Variants in FBLN2 observed in about 807,000 individuals in gnomAD.
FBLN2 encodes fibulin 2, also known as fibulin-2.
A neutral mutation model predicts 123.7 loss-of-function variants in FBLN2; 81 were observed. The observed-to-expected ratio is 0.65, with a 90% CI of 0.55 to 0.79. The LOEUF is 0.79. FBLN2 is among the 30% of genes least tolerant of loss of function. The pLI, the probability that FBLN2 is intolerant of heterozygous loss-of-function variation, is 0.00. For missense variants in FBLN2, 1,603 were observed against 1,681.3 expected (o/e 0.95, Z 0.81); for synonymous variants, 699 against 701.4 (o/e 1.00, Z 0.05).
At chr3:13,602,508 G>A (rs192001532) in intron 2 of FBLN2, among the ~76,000 whole-genome samples, 124 of 152,310 alleles carry the variant, frequency 8.1e-4, no homozygotes, top group Non-Finnish European at 1.4e-3. Flanking sequence ...TGTAGAGTAA[G>A]TAGAGGAGAA....
At chr3:13,579,060 AAAAG>A (rs1014306468) in intron 2 of FBLN2, among the ~76,000 whole-genome samples, 31 of 152,322 alleles carry the variant, frequency 2.0e-4, no homozygotes, top group African/African-American at 7.2e-4. Context: ...CGTCTCAAAA[AAAAG>A]AGAACTATCA....
intron 2 of FBLN2, among the ~76,000 whole-genome samples, chr3:13,574,906 T>C (rs1372064883): frequency 6.6e-6 from 1 of 152,138 alleles, no homozygotes; most frequent in East Asian, 1.9e-4. Flanking sequence ...TGCGTGCACA[T>C]GGCCGTGACC....
At chr3:13,634,540 C>T (rs1011882335) in intron 16 of FBLN2, among the ~76,000 whole-genome samples, 3 of 152,260 alleles carry the variant, frequency 2.0e-5, no homozygotes, top group African/African-American at 7.2e-5. Context: ...CTGGAGCGGG[C>T]CACCGGGGGC....
intron 2 of FBLN2, among the ~76,000 whole-genome samples, chr3:13,597,605 TGTG>T (rs1038792490): frequency 3.0e-4 from 45 of 152,338 alleles, no homozygotes; most frequent in African/African-American, 9.9e-4. Flanking sequence ...GCTGGCATCA[TGTG>T]GTCACACTGC....
intron 2 of FBLN2, among the ~76,000 whole-genome samples, chr3:13,604,810 A>G (rs974304998): frequency 6.6e-6 from 1 of 152,242 alleles, no homozygotes; most frequent in South Asian, 2.1e-4. Context: ...CCTGTTTTAC[A>G]GAAAAGGAAT....
At chr3:13,564,396 A>G (rs1169865537) in intron 1 of FBLN2, among the ~76,000 whole-genome samples, 1 of 152,194 alleles carries the variant, frequency 6.6e-6, no homozygotes, top group African/African-American at 2.4e-5. Context: ...GATCCCCTGC[A>G]AATATTTAAA....
chr3:13,621,506 A>G (rs908165350), intron 8 of FBLN2, among the ~76,000 whole-genome samples: 1 of 151,988 alleles, frequency 6.6e-6, no homozygotes, highest in Non-Finnish European at 1.5e-5. Context: ...TGCGTACGGG[A>G]GGCAGCCTCT....
At chr3:13,553,623 T>C (rs552319213) in intron 1 of FBLN2, among the ~76,000 whole-genome samples, 1 of 152,370 alleles carries the variant, frequency 6.6e-6, no homozygotes, top group African/African-American at 2.4e-5. Context: ...GTTGCAGAAA[T>C]GCCTCTCTCT....
chr3:13,586,975 T>C (rs895450369), intron 2 of FBLN2, among the ~76,000 whole-genome samples: 4 of 151,208 alleles, frequency 2.6e-5, no homozygotes, highest in African/African-American at 7.3e-5. Context: ...TAAAACCCCA[T>C]CTCTACTAAA....
intron 2 of FBLN2, among the ~76,000 whole-genome samples, chr3:13,604,816 G>A (rs572310577): frequency 1.3e-5 from 2 of 152,332 alleles, no homozygotes; most frequent in East Asian, 1.9e-4. Flanking sequence ...TTACAGAAAA[G>A]GAATGAAAAC....
chr3:13,629,863 C>A lies in FBLN2; in HGVS notation c.2886C>A (p.His962Gln), dbSNP rs1216024202. The A allele has an allele frequency of 1.6e-5, 26 of 1,594,910 alleles. No homozygotes were observed. The highest frequency in any genetic ancestry group is 2.1e-5 in the Non-Finnish European group (25 of 1,171,666). ...CCTCGCCAGGCCGCCTGTGCCAGCA[C>A]ACGTGTGAGAACACACTCGGCTCCT... ...CWASPGRLCQ[H>Q]TCENTLGSYR... Residue 962 changes from histidine to glutamine, a missense_variant, in exon 14 of 18, where the codon CAC (histidine) becomes CAA (glutamine). Physicochemically the swap from His to Gln is conservative, Grantham distance 24. Transcript: ENST00000404922.
chr3:13,613,485 C>A (rs1034334604), intron 4 of FBLN2, among the ~76,000 whole-genome samples: 1 of 152,216 alleles, frequency 6.6e-6, no homozygotes, highest in Non-Finnish European at 1.5e-5. Flanking sequence ...CTTGTAGCTT[C>A]CATCTTCAGG....
At chr3:13,596,078 A>C (rs1337911265) in intron 2 of FBLN2, among the ~76,000 whole-genome samples, 1 of 152,210 alleles carries the variant, frequency 6.6e-6, no homozygotes, top group African/African-American at 2.4e-5. Flanking sequence ...AAATTCTTTC[A>C]TGTAAGTGCA....
chr3:13,629,280 C>T lies in FBLN2; in HGVS notation c.2830C>T (p.Arg944Trp), dbSNP rs752560087. ...CGGCTTTCAGCGGGATGCCTTTGGC[C>T]GGGGCTGCATCGGTAGGTAGGCTGG... is the stretch of plus-strand genomic sequence containing the variant. ...KAGFQRDAFG[R>W]GCIDVNECWA... is the part of the protein sequence containing the mutation. Residue 944 changes from arginine (R) to tryptophan (W), a missense_variant, in exon 13 of 18, where the codon CGG becomes TGG. Physicochemically the swap from Arg to Trp is moderately radical, Grantham distance 101. Transcript: ENST00000404922. 3.0e-5 allele frequency: 49 copies of T among 1,609,142 alleles called. No individual in the cohort carries two copies. Among genetic ancestry groups the T allele is most frequent in the East Asian group, 2.5e-4 (11 of 44,732 alleles).
chr3:13,585,281 C>T (rs1704461276), intron 2 of FBLN2, among the ~76,000 whole-genome samples: 1 of 152,148 alleles, frequency 6.6e-6, no homozygotes, highest in Admixed American at 6.5e-5. Context: ...CTGACCTCTC[C>T]TAGGCACCTT....
intron 2 of FBLN2, among the ~76,000 whole-genome samples, chr3:13,579,221 A>G (rs1704242290): frequency 6.6e-6 from 1 of 152,200 alleles, no homozygotes; most frequent in African/African-American, 2.4e-5. Flanking sequence ...CAATTCCCTG[A>G]TGACTAATGA....
intron 1 of FBLN2, among the ~76,000 whole-genome samples, chr3:13,564,712 C>T (rs1703694119): frequency 6.6e-6 from 1 of 152,194 alleles, no homozygotes; most frequent in South Asian, 2.1e-4. Flanking sequence ...AGGTGGGACC[C>T]CCCCACCTTT....
chr3:13,595,520 C>T (rs1216063788), intron 2 of FBLN2, among the ~76,000 whole-genome samples: 1 of 152,144 alleles, frequency 6.6e-6, no homozygotes, highest in Non-Finnish European at 1.5e-5. Context: ...AGGTAACCCT[C>T]CCACCCTGTC....
chr3:13,638,134 C>T lies in FBLN2; in HGVS notation c.*215C>T, dbSNP rs1489622615. 1.5e-6 allele frequency: 1 copy of T among 652,112 alleles called. No homozygotes were observed. The highest frequency in any genetic ancestry group is 2.7e-6 in the Non-Finnish European group (1 of 368,686). The allele number at this position is 652,112 out of a possible 1,614,324, so 40.4% of individuals were successfully genotyped here. A position where few individuals can be genotyped will look rare whatever the true frequency, so the allele number is the denominator to read the frequency against. On this transcript the variant is annotated 3_prime_UTR_variant, in exon 18 of 18. Coordinates refer to ENST00000404922, the MANE Select transcript of FBLN2 (RefSeq NM_001004019.2). ...CACGCAGGCACCAAGTGGAAGCTTG[C>T]ACGGTGGGCCACGGCCGTGGCGGGT...
Sources: allele counts gnomAD v4.1 joint callset (sites outside exome capture counted in the v4.1 genomes callset), GRCh38; gene constraint gnomAD v4.1.1; transcripts MANE v1.5; gene names NCBI Gene and HGNC (gene_info 2026-07-23, HGNC 2026-07-21).